The following MEX3D variants were observed in gnomAD, a reference collection of about 807,000 sequenced individuals.
MEX3D encodes RNA-binding protein MEX3D.
MEX3D carries 4 observed loss-of-function variants against 6.3 expected under a neutral mutation model. The ratio of observed to expected loss-of-function variants is 0.64; its 90% CI spans 0.31 to 1.46. The LOEUF (loss-of-function observed/expected upper bound fraction) is 1.46, where lower values mean the gene tolerates loss of function less well. Ranked by LOEUF, MEX3D falls within the 40% of genes most tolerant of loss-of-function variation. The pLI is 0.07. For synonymous variants in MEX3D, 626 were observed against 494.1 expected, an observed-to-expected ratio of 1.27 and a Z score of -3.54; for missense variants, 1,038 against 994.4, an observed-to-expected ratio of 1.04 and a Z score of -0.59.
At position 1,567,239 on chromosome 19, in the gene MEX3D, G is replaced by C. The variant is rs945843438; in HGVS notation, c.595+225C>G. Among the ~76,000 whole-genome samples, 2 of 151,932 alleles carry C rather than the reference G, an allele frequency of 1.3e-5. No homozygotes were observed. Among genetic ancestry groups the C allele is most frequent in the African/African-American group, 4.8e-5 (2 of 41,438 alleles). On this transcript the variant is annotated intron_variant, in intron 1 of 1. Transcript: ENST00000402693. The surrounding 1 kb of genome is among the most constrained non-coding windows in gnomAD (Gnocchi z 6.5). ...TGGAGGCGGCCCAGACAAAGGCGGC[G>C]GCGGGGCCGGAGCGCGCAGGGGAGG...
At chr19:1,564,943 A>G (rs1914803628) in intron 1 of MEX3D, among the ~76,000 whole-genome samples, 2 of 152,186 alleles carry the variant, frequency 1.3e-5, no homozygotes, top group African/African-American at 2.4e-5. Flanking sequence ...AGATGGTTCT[A>G]CAGTGTGGAA....
intron 1 of MEX3D, among the ~76,000 whole-genome samples, chr19:1,560,712 T>C (rs1431666318): frequency 6.6e-6 from 1 of 152,086 alleles, no homozygotes; most frequent in East Asian, 1.9e-4. Flanking sequence ...CCTTACTCCA[T>C]CCTGCCCTAA....
Position 1,567,624 on chromosome 19 carries a change from G to A in MEX3D, c.435C>T (p.Asp145=). The change falls in exon 1 of 2, where the codon GAC becomes GAT. Residue 145 remains aspartate, a synonymous_variant. Transcript: ENST00000402693. This position sits in a 1 kb window ranked among gnomAD's most constrained non-coding sequence, Gnocchi z 6.5. ...GGTGGGGCGCGAAGCCCGCGAACAC[G>A]TCGGGGGGCGACGGCCGGGGCGGCG... is the stretch of plus-strand genomic sequence containing the variant. ...PPPPPRPSPP[D]VFAGFAPHPA... is the part of the protein sequence containing the mutation. 4 of 1,295,684 alleles carry A rather than the reference G, an allele frequency of 3.1e-6. No individual in the cohort carries two copies. The highest frequency in any genetic ancestry group is 2.9e-6 in the Non-Finnish European group (3 of 1,017,208). 80.3% of individuals were successfully genotyped at this position (1,295,684 alleles called of 1,614,324 possible).
Position 1,567,721 on chromosome 19 carries a change from G to C in MEX3D, c.338C>G (p.Pro113Arg). The change falls in exon 1 of 2, where the codon CCG becomes CGG. Residue 113 changes from proline to arginine, a missense_variant. Physicochemically the swap from Pro to Arg is moderately radical, Grantham distance 103. Transcript: ENST00000402693. The surrounding 1 kb of genome is among the most constrained non-coding windows in gnomAD (Gnocchi z 6.5). The stretch of plus-strand genomic sequence containing the variant: ...GGGGGCCACGGCGGGGGCCAGGGTC[G>C]GGGGCGCGCCGGCCTCAGGTCCGTC... ...PPDGPEAGAP[P>R]TLAPAVAPGS... is the part of the protein sequence containing the mutation. 9.9e-7 allele frequency: 1 copy of C among 1,008,794 alleles called. No individual in the cohort carries two copies. The highest frequency in any genetic ancestry group is 1.2e-6 in the Non-Finnish European group (1 of 837,550). The allele number at this position is 1,008,794 out of a possible 1,614,324, so 62.5% of individuals were successfully genotyped here.
In MEX3D at chr19:1,557,251, G is replaced by A. The variant is rs568409195; in HGVS notation, c.596-328C>T. ...GTTCACAAGCTGGACCCTAATATGC[G>A]GCGTTGACAGTATTAATTTAATACG... On this transcript the variant is annotated intron_variant, in intron 1 of 1. Coordinates refer to ENST00000402693, the MANE Select transcript of MEX3D (RefSeq NM_203304.4). 1.8e-3 allele frequency among the ~76,000 whole-genome samples: 279 copies of A among 152,206 alleles called. 1 individual carries two copies. The highest frequency in any genetic ancestry group is 6.5e-3 in the African/African-American group (269 of 41,512).
In MEX3D at chr19:1,567,835, C is replaced by T; in HGVS notation, c.224G>A (p.Gly75Asp). Reference sequence around the variant, plus strand: ...GGCCGCCCCCTCCTCGTCCGTGTCGCCAGCGCCCCCCAGCCCGAGCGCCGA... The same window carrying T: ...GGCCGCCCCCTCCTCGTCCGTGTCGTCAGCGCCCCCCAGCCCGAGCGCCGA... ...QLSALGLGGA[G>D]DTDEEGAAGD... The change falls in exon 1 of 2, where the codon GGC becomes GAC. Residue 75 changes from glycine to aspartate, a missense_variant. Transcript: ENST00000402693. The surrounding 1 kb of genome is among the most constrained non-coding windows in gnomAD (Gnocchi z 6.5). 1 of 1,001,928 alleles carries T rather than the reference C, an allele frequency of 1.0e-6. No homozygotes were observed. Among genetic ancestry groups the T allele is most frequent in the South Asian group, 4.0e-5 (1 of 24,790 alleles). The allele number at this position is 1,001,928 out of a possible 1,614,324, so 62.1% of individuals were successfully genotyped here.
Position 1,556,432 on chromosome 19 carries a change from G to C in MEX3D, c.1087C>G (p.Leu363Val). The part of the protein sequence containing the change: ...DFHANGTDVC[L>V]DLLGAAASLW... The stretch of plus-strand genomic sequence containing the variant: ...CTGGCGGCCGCCCCGAGCAGGTCCA[G>C]GCAGACGTCGGTGCCGTTGGCGTGG... Residue 363 changes from leucine to valine, a missense_variant, in exon 2 of 2, where the codon CTG (leucine) becomes GTG (valine). Physicochemically the swap from Leu to Val is conservative, Grantham distance 32. This residue lies in a region of MEX3D where 581 missense variants were observed against 516.2 expected (regional missense o/e 1.13). Transcript: ENST00000402693. The surrounding 1 kb of genome is among the most constrained non-coding windows in gnomAD (Gnocchi z 7.5). The C allele has an allele frequency of 6.3e-7, 1 of 1,595,230 alleles. No individual in the cohort carries two copies. Among genetic ancestry groups the C allele is most frequent in the Non-Finnish European group, 8.5e-7 (1 of 1,176,792 alleles).
intron 1 of MEX3D, among the ~76,000 whole-genome samples, chr19:1,564,921 G>C (rs570280333): frequency 2.6e-5 from 4 of 152,294 alleles, no homozygotes; most frequent in Admixed American, 2.6e-4. Flanking sequence ...GGTGGGAGAA[G>C]CTGGGAGCCA....
At position 1,567,885 on chromosome 19, in the gene MEX3D, C is replaced by A. The variant is rs940669623; in HGVS notation, c.174G>T (p.Ala58=). The change falls in exon 1 of 2, where the codon GCG becomes GCT. Residue 58 remains alanine, a synonymous_variant. Coordinates refer to ENST00000402693, the MANE Select transcript of MEX3D (RefSeq NM_203304.4). The surrounding 1 kb of genome is among the most constrained non-coding windows in gnomAD (Gnocchi z 6.5). ...PPPEPDDAAA[A]LRLALDQLSA... ...ACAGCTGGTCCAGCGCCAGGCGGAG[C>A]GCGGCGGCCGCGTCGTCGGGTTCGG... The A allele has an allele frequency of 2.0e-6, 2 of 982,530 alleles. No individual in the cohort carries two copies. Among genetic ancestry groups the A allele is most frequent in the South Asian group, 4.5e-5 (1 of 22,098 alleles). 60.9% of individuals were successfully genotyped at this position (982,530 alleles called of 1,614,324 possible).
At position 1,554,727 on chromosome 19, in the gene MEX3D, C is replaced by T. The variant is rs1393858763; in HGVS notation, c.*836G>A. The T allele has an allele frequency of 6.6e-6, 1 of 152,352 alleles. No homozygotes were observed. The highest frequency in any genetic ancestry group is 1.5e-5 in the Non-Finnish European group (1 of 68,012). The allele number at this position is 152,352 out of a possible 1,614,324, so 9.4% of individuals were successfully genotyped here. Reference sequence around the variant, plus strand: ...GGCTTTGAAGTCAAAAAATAAAACTCTTGATACAATTTTTTTAACCCTTAA... The same window carrying T: ...GGCTTTGAAGTCAAAAAATAAAACTTTTGATACAATTTTTTTAACCCTTAA... On this transcript the variant is annotated 3_prime_UTR_variant, in exon 2 of 2. Transcript: ENST00000402693.
At chr19:1,558,299 A>G (rs1269519325) in intron 1 of MEX3D, among the ~76,000 whole-genome samples, 2 of 151,182 alleles carry the variant, frequency 1.3e-5, no homozygotes, top group Non-Finnish European at 2.9e-5. Flanking sequence ...CGGGAGGTGG[A>G]GGCTGCAGTG....
At position 1,556,291 on chromosome 19, in the gene MEX3D, G is replaced by A. The variant is rs1308363246; in HGVS notation, c.1228C>T (p.Arg410Cys). 1.6e-6 allele frequency: 2 copies of A among 1,278,668 alleles called. No homozygotes were observed. The highest frequency in any genetic ancestry group is 2.0e-6 in the Non-Finnish European group (2 of 1,015,192). The allele number at this position is 1,278,668 out of a possible 1,614,324, so 79.2% of individuals were successfully genotyped here. The change falls in exon 2 of 2, where the codon CGC becomes TGC. Residue 410 changes from arginine to cysteine, a missense_variant. This residue lies in a region of MEX3D where 581 missense variants were observed against 516.2 expected (regional missense o/e 1.13). Coordinates refer to ENST00000402693, the MANE Select transcript of MEX3D (RefSeq NM_203304.4). This position sits in a 1 kb window ranked among gnomAD's most constrained non-coding sequence, Gnocchi z 7.5. Reference sequence around the variant, plus strand: ...GGGTCCGGCACGGAGGGGCCGCCGCGGCTGCCCGCGTAGAAGGCCTCGGGG... The same window carrying A: ...GGGTCCGGCACGGAGGGGCCGCCGCAGCTGCCCGCGTAGAAGGCCTCGGGG... The part of the protein sequence containing the change: ...SAPEAFYAGS[R>C]GGPSVPDPGP...
chr19:1,557,250 C>T (rs373174757), intron 1 of MEX3D, among the ~76,000 whole-genome samples: 8 of 152,116 alleles, frequency 5.3e-5, no homozygotes, highest in Admixed American at 1.3e-4. Context: ...CCCTAATATG[C>T]GGCGTTGACA....
chr19:1,567,705 G>T lies in MEX3D; in HGVS notation c.354C>A (p.Ala118=). Residue 118 remains alanine (A), a synonymous_variant, in exon 1 of 2, where the codon GCC becomes GCA. Transcript: ENST00000402693. This position sits in a 1 kb window ranked among gnomAD's most constrained non-coding sequence, Gnocchi z 6.5. ...EAGAPPTLAP[A]VAPGSLPLLD... The stretch of plus-strand genomic sequence containing the variant: ...GCAGCGGCAGCGACCCGGGGGCCAC[G>T]GCGGGGGCCAGGGTCGGGGGCGCGC... The T allele has an allele frequency of 9.4e-7, 1 of 1,059,514 alleles. No individual in the cohort carries two copies. The highest frequency in any genetic ancestry group is 1.2e-6 in the Non-Finnish European group (1 of 869,312). The allele number at this position is 1,059,514 out of a possible 1,614,324, so 65.6% of individuals were successfully genotyped here.
chr19:1,560,880 G>T (rs1048943388), intron 1 of MEX3D, among the ~76,000 whole-genome samples: 1 of 152,208 alleles, frequency 6.6e-6, no homozygotes, highest in African/African-American at 2.4e-5. Context: ...CAAGGAATCG[G>T]GGCTCCAGGA....
In MEX3D at chr19:1,556,726, G is replaced by GGGCGGCGCCGGGCAGACCCCC; in HGVS notation, c.772_792dup (p.Gly258_Ala264dup). The GGGCGGCGCCGGGCAGACCCCC allele has an allele frequency of 6.2e-7, 1 of 1,611,398 alleles. No homozygotes were observed. Among genetic ancestry groups the GGGCGGCGCCGGGCAGACCCCC allele is most frequent in the Non-Finnish European group, 8.5e-7 (1 of 1,179,166 alleles). ...TGTCCGGGAAGGTTGGGCGGGCCCT[G>GGGCGGCGCCGGGCAGACCCCC]GGCGGCGCCGGGCAGACCCCCGGCC... On this transcript the variant is annotated inframe_insertion, in exon 2 of 2. Transcript: ENST00000402693. This position sits in a 1 kb window ranked among gnomAD's most constrained non-coding sequence, Gnocchi z 7.5.
chr19:1,568,174 G>T lies in MEX3D; in HGVS notation c.-116C>A, dbSNP rs1312496376. 1.6e-5 allele frequency: 14 copies of T among 889,160 alleles called. No homozygotes were observed. In the African/African-American group the frequency reaches 2.4e-4, roughly 15 times the overall value. The allele number at this position is 889,160 out of a possible 1,614,324, so 55.1% of individuals were successfully genotyped here. A position where few individuals can be genotyped will look rare whatever the true frequency, so the allele number is the denominator to read the frequency against. ...GCCGCCTGCATCCAGCGGCGGGGGC[G>T]GGCACGGGGGGCCGGGCGGGCGGGG... On this transcript the variant is annotated 5_prime_UTR_variant, in exon 1 of 2. Coordinates refer to ENST00000402693, the MANE Select transcript of MEX3D (RefSeq NM_203304.4).
intron 1 of MEX3D, among the ~76,000 whole-genome samples, chr19:1,561,629 G>A (rs772845817): frequency 2.0e-5 from 3 of 152,076 alleles, no homozygotes; most frequent in Non-Finnish European, 4.4e-5. Flanking sequence ...TTGAGGCCAG[G>A]AGTTCGAGAC....
intron 1 of MEX3D, among the ~76,000 whole-genome samples, chr19:1,565,530 A>G (rs1914817272): frequency 6.6e-6 from 1 of 152,166 alleles, no homozygotes; most frequent in Admixed American, 6.5e-5. Flanking sequence ...CGACAGAGCG[A>G]AACTCCGTCT....
Sources: gnomAD v4.1 joint callset for allele counts (sites outside exome capture counted in the v4.1 genomes callset) on GRCh38, gnomAD v4.1.1 for gene constraint, gnomAD v4.1.1 regional missense constraint, Gnocchi (gnomAD v3.1) non-coding constraint, MANE v1.5 for transcripts, NCBI Gene and HGNC (gene_info 2026-07-23, HGNC 2026-07-21) for gene names.